Variants in CLIC5 observed in about 807,000 individuals in gnomAD.
CLIC5 encodes the protein CLIC family member 5.
A neutral mutation model predicts 24.7 loss-of-function variants in CLIC5; 20 were observed. The observed-to-expected ratio is 0.81, with a 90% CI of 0.57 to 1.18. The LOEUF (loss-of-function observed/expected upper bound fraction) is 1.18. Ranked by LOEUF, CLIC5 falls within the 50% of genes most tolerant of loss-of-function variation. CLIC5 has a pLI of 0.00. For synonymous variants in CLIC5, 159 were observed against 135.6 expected, an observed-to-expected ratio of 1.17 and a Z score of -1.20; for missense variants, 341 against 326.1, an observed-to-expected ratio of 1.05 and a Z score of -0.35.
At chr6:45,960,091 C>T (rs1764796641) in intron 1 of CLIC5, among the ~76,000 whole-genome samples, 1 of 152,116 alleles carries the variant, frequency 6.6e-6, no homozygotes, top group African/African-American at 2.4e-5. Flanking sequence ...CCCCTGAAAG[C>T]CTCTTAGCGA....
chr6:45,896,255 C>A (rs1377408223), downstream of CLIC5, among the ~76,000 whole-genome samples: 1 of 152,172 alleles, frequency 6.6e-6, no homozygotes, highest in Admixed American at 6.5e-5. Flanking sequence ...TGGCTTCTTT[C>A]CATTAAAGAA....
upstream of CLIC5, among the ~76,000 whole-genome samples, chr6:46,081,105 A>G (rs1562042698): frequency 6.6e-6 from 1 of 152,244 alleles, no homozygotes; most frequent in Non-Finnish European, 1.5e-5. Context: ...AGAGAAAAAT[A>G]AAACCGAGGA....
chr6:45,989,457 A>G (rs1232769800), intron 1 of CLIC5, among the ~76,000 whole-genome samples: 1 of 152,234 alleles, frequency 6.6e-6, no homozygotes, highest in Non-Finnish European at 1.5e-5. Context: ...TGAAATGTAG[A>G]TCAATGGAAG....
the CLIC5 span, among the ~76,000 whole-genome samples, chr6:46,093,208 T>C: frequency 2.0e-5 from 3 of 152,218 alleles, no homozygotes; most frequent in Non-Finnish European, 4.4e-5. Context: ...TTTATTATAA[T>C]AACTTTGCTC....
At chr6:45,911,930 A>G in intron 5 of CLIC5, 1 of 985,504 alleles carries the variant, frequency 1.0e-6, no homozygotes, top group Middle Eastern at 5.2e-4. Context: ...TGAATGTTCA[A>G]GCCAAACTCT....
At chr6:46,118,403 C>T in the CLIC5 span, among the ~76,000 whole-genome samples, 1 of 151,992 alleles carries the variant, frequency 6.6e-6, no homozygotes. Flanking sequence ...ATTTCATCAT[C>T]CAGACCAAGA....
At chr6:46,120,923 G>T in the CLIC5 span, among the ~76,000 whole-genome samples, 5 of 152,104 alleles carry the variant, frequency 3.3e-5, no homozygotes, top group Non-Finnish European at 7.3e-5. Context: ...CAAGAAATAT[G>T]GGACTATGTG....
chr6:45,885,975 T>C (rs1421004942), intron 6 of CLIC5, among the ~76,000 whole-genome samples: 1 of 152,066 alleles, frequency 6.6e-6, no homozygotes, highest in Non-Finnish European at 1.5e-5. Context: ...CAAATTTCCA[T>C]GGATGAAAGC....
intron 4 of CLIC5, among the ~76,000 whole-genome samples, chr6:45,929,509 C>G (rs1427128766): frequency 6.6e-6 from 1 of 152,238 alleles, no homozygotes; most frequent in Non-Finnish European, 1.5e-5. Context: ...CAAAATACCC[C>G]TAGTTGGCTA....
Position 46,015,564 on chromosome 6 carries a change from C to A in CLIC5, c.-22G>T, listed in dbSNP as rs373238468. 2.3e-5 allele frequency: 35 copies of A among 1,553,050 alleles called. No homozygotes were observed. Among genetic ancestry groups the A allele is most frequent in the Non-Finnish European group, 3.0e-5 (34 of 1,150,562 alleles). ...TCATGCCGTTGGCGCCCGGGGCTAC[C>A]GTCCCGGGCCGGGGAGGCGCCACCT... On this transcript the variant is annotated 5_prime_UTR_variant, in exon 1 of 6. Coordinates refer to ENST00000339561, the MANE Select transcript of CLIC5 (RefSeq NM_016929.5).
At chr6:46,079,133 G>C (rs1171084140) in intron 1 of CLIC5, among the ~76,000 whole-genome samples, 3 of 152,138 alleles carry the variant, frequency 2.0e-5, no homozygotes, top group South Asian at 4.1e-4. Flanking sequence ...AGATCACCAA[G>C]GTTCTGTTTA....
At chr6:46,018,264 C>T (rs180807390), upstream of CLIC5, among the ~76,000 whole-genome samples, 8 of 152,274 alleles carry the variant, frequency 5.3e-5, no homozygotes, top group East Asian at 5.8e-4. Flanking sequence ...ATGTGTTACA[C>T]GTATTTTCGA....
intron 4 of CLIC5, among the ~76,000 whole-genome samples, chr6:45,936,170 A>C (rs143240292): frequency 6.7e-6 from 1 of 148,396 alleles, no homozygotes; most frequent in East Asian, 2.0e-4. Flanking sequence ...TGTCTACCCG[A>C]GATAACTGCT....
intron 1 of CLIC5, among the ~76,000 whole-genome samples, chr6:45,977,816 T>C (rs1765434706): frequency 6.6e-6 from 1 of 152,222 alleles, no homozygotes; most frequent in East Asian, 1.9e-4. Context: ...CTACTTCTAT[T>C]AGAATTATGT....
At chr6:45,889,711 T>G (rs763077328) in intron 6 of CLIC5, among the ~76,000 whole-genome samples, 3 of 152,192 alleles carry the variant, frequency 2.0e-5, no homozygotes, top group Non-Finnish European at 4.4e-5. Flanking sequence ...TGCAAATACA[T>G]TTCCTATTTA....
intron 5 of CLIC5, chr6:45,912,561 G>A (rs555808743): frequency 7.1e-7 from 1 of 1,408,986 alleles, no homozygotes; most frequent in African/African-American, 1.4e-5. Flanking sequence ...ATCCACTTCT[G>A]TTCTTCTAGG....
chr6:46,092,056 G>A, the CLIC5 span, among the ~76,000 whole-genome samples: 7 of 152,058 alleles, frequency 4.6e-5, no homozygotes, highest in African/African-American at 7.3e-5. Flanking sequence ...CATTCTAGCC[G>A]GTGTGAGGTG....
intron 5 of CLIC5, chr6:45,913,738 C>T: frequency 8.2e-7 from 1 of 1,213,308 alleles, no homozygotes; most frequent in Non-Finnish European, 1.0e-6. Flanking sequence ...GCAACCTCCA[C>T]CTCTTCATTT....
intron 5 of CLIC5, among the ~76,000 whole-genome samples, chr6:45,910,235 A>T (rs1762779047): frequency 6.6e-6 from 1 of 152,150 alleles, no homozygotes; most frequent in Non-Finnish European, 1.5e-5. Context: ...CAGAGGAATG[A>T]TAATAACAAA....
Sources: allele counts gnomAD v4.1 joint callset (sites outside exome capture counted in the v4.1 genomes callset), GRCh38; gene constraint gnomAD v4.1.1; transcripts MANE v1.5; gene names NCBI Gene and HGNC (gene_info 2026-07-23, HGNC 2026-07-21).